Variants in LARGE1 observed in about 807,000 individuals in gnomAD.
The protein encoded by LARGE1 is LARGE xylosyl- and glucuronyltransferase 1.
LARGE1 carries 43 observed loss-of-function variants against 87.6 expected under a neutral mutation model. That is an observed-to-expected ratio of 0.49 (90% CI 0.38 to 0.63). The LOEUF is 0.63. Among genes scored for constraint, LARGE1 ranks in the 30% least tolerant of loss-of-function variants. The pLI is 0.00. For synonymous variants in LARGE1, 434 were observed against 394.6 expected (o/e 1.10, Z -1.18); for missense variants, 802 against 1,000.2 (o/e 0.80, Z 2.67).
chr22:33,294,433 C>T (rs1932960716), intron 12 of LARGE1, among the ~76,000 whole-genome samples: 2 of 152,174 alleles, frequency 1.3e-5, no homozygotes, highest in African/African-American at 4.8e-5. Flanking sequence ...TTCCCAGGGA[C>T]TCCTATGAAA....
intron 4 of LARGE1, among the ~76,000 whole-genome samples, chr22:33,614,852 A>ACT (rs3831696): frequency 0.77 from 116,420 of 151,972 alleles, 45,254 homozygotes; most frequent in African/African-American, 0.91. Flanking sequence ...TCTCTTGTTT[A>ACT]CTCTCTACAA....
In LARGE1 at chr22:33,712,418, C is replaced by T. The variant is rs140342914; in HGVS notation, c.106+48953G>A. 3.9e-4 allele frequency among the ~76,000 whole-genome samples: 59 copies of T among 152,174 alleles called. No individual in the cohort carries two copies. The East Asian group carries it at 5.8e-3, about 15-fold the overall frequency. ...CGAAGGCTTCTAGAGGAGACCAGCA[C>T]AAGAGGGGCATGTTCACTGAGGCCA... On this transcript the variant is annotated intron_variant, in intron 2 of 14. Coordinates refer to ENST00000397394, the MANE Select transcript of LARGE1 (RefSeq NM_133642.5).
At chr22:33,494,290 C>T (rs1006117806) in intron 6 of LARGE1, among the ~76,000 whole-genome samples, 1 of 152,180 alleles carries the variant, frequency 6.6e-6, no homozygotes, top group African/African-American at 2.4e-5. Flanking sequence ...AGTTTCCCTA[C>T]CCATAAAATG....
chr22:33,569,850 G>T (rs1292842841), intron 5 of LARGE1, among the ~76,000 whole-genome samples: 1 of 152,216 alleles, frequency 6.6e-6, no homozygotes, highest in African/African-American at 2.4e-5. Flanking sequence ...ACTCCTTGAG[G>T]CAGGGACGAT....
rs578115819 is a variant in LARGE1, at chr22:33,187,921, C to CAAAAAAAAAA, written c.1731-21099_1731-21090dup. ...TGGGCAACAGAGTGAGACTCCGTCT[C>CAAAAAAAAAA]AAAAAAAAAAAAAAAAAAAAAAAAA... On this transcript the variant is annotated intron_variant, in intron 11 of 11. Transcript: ENST00000608642. Among the ~76,000 whole-genome samples, 17 of 36,914 alleles carry CAAAAAAAAAA rather than the reference C, an allele frequency of 4.6e-4. 4 individuals are homozygous for CAAAAAAAAAA. The highest frequency in any genetic ancestry group is 8.5e-4 in the Non-Finnish European group (15 of 17,738). 24.2% of individuals were successfully genotyped at this position (36,914 alleles called of 152,430 possible).
At chr22:33,650,019 T>C (rs1418287538) in intron 3 of LARGE1, among the ~76,000 whole-genome samples, 1 of 152,094 alleles carries the variant, frequency 6.6e-6, no homozygotes, top group East Asian at 1.9e-4. Context: ...CACACTATAG[T>C]CTAAGAAGCA....
the LARGE1 span, among the ~76,000 whole-genome samples, chr22:33,103,881 T>C: frequency 3.3e-5 from 5 of 152,316 alleles, no homozygotes; most frequent in East Asian, 9.6e-4. Context: ...TCACGAGATC[T>C]GATGGTTTTA....
intron 1 of LARGE1, among the ~76,000 whole-genome samples, chr22:33,843,370 G>C (rs949747027): frequency 6.6e-6 from 1 of 151,796 alleles, no homozygotes; most frequent in Admixed American, 6.6e-5. Flanking sequence ...CCAGGAGACA[G>C]AGTTTGCAGT....
chr22:33,154,026 A>G, the LARGE1 span, among the ~76,000 whole-genome samples: 1 of 152,140 alleles, frequency 6.6e-6, no homozygotes, highest in Non-Finnish European at 1.5e-5. Context: ...TGCCAAGGTC[A>G]TATTCCTCTA....
chr22:33,559,165 ACT>A (rs1200489756), intron 6 of LARGE1, among the ~76,000 whole-genome samples: 2 of 151,974 alleles, frequency 1.3e-5, no homozygotes, highest in Non-Finnish European at 2.9e-5. Context: ...CATGGTGAGA[ACT>A]CTCTGCTTCA....
chr22:33,847,086 C>T (rs182180824), intron 1 of LARGE1, among the ~76,000 whole-genome samples: 1 of 152,314 alleles, frequency 6.6e-6, no homozygotes, highest in East Asian at 1.9e-4. Context: ...AATCACGGAA[C>T]CTACCGACAT....
intron 11 of LARGE1, among the ~76,000 whole-genome samples, chr22:33,264,505 C>G (rs1927817748): frequency 6.6e-6 from 1 of 152,104 alleles, no homozygotes; most frequent in African/African-American, 2.4e-5. Context: ...ACTAAAAATA[C>G]AAAAATTAGC....
chr22:33,204,270 G>C (rs1924574705), intron 11 of LARGE1, among the ~76,000 whole-genome samples: 1 of 152,074 alleles, frequency 6.6e-6, no homozygotes, highest in Non-Finnish European at 1.5e-5. Context: ...TTCACCACCA[G>C]AGAAAGAGCT....
intron 10 of LARGE1, among the ~76,000 whole-genome samples, chr22:33,328,941 T>A (rs1451080603): frequency 6.6e-6 from 1 of 152,146 alleles, no homozygotes; most frequent in Non-Finnish European, 1.5e-5. Flanking sequence ...TGACTCCCAC[T>A]CTTTGTGGTG....
At chr22:33,405,548 T>C (rs2147365024) in intron 7 of LARGE1, among the ~76,000 whole-genome samples, 1 of 152,276 alleles carries the variant, frequency 6.6e-6, no homozygotes, top group African/African-American at 2.4e-5. Context: ...CTTCTTTTCC[T>C]TTTTTTCTAG....
the LARGE1 span, among the ~76,000 whole-genome samples, chr22:33,138,247 C>T: frequency 6.6e-6 from 1 of 151,988 alleles, no homozygotes; most frequent in Admixed American, 6.5e-5. Flanking sequence ...TTTGACTGCC[C>T]CACTGGATTT....
At chr22:33,656,281 T>C (rs2080958117) in intron 2 of LARGE1, among the ~76,000 whole-genome samples, 1 of 152,164 alleles carries the variant, frequency 6.6e-6, no homozygotes, top group South Asian at 2.1e-4. Flanking sequence ...AAGGCACATC[T>C]TACATGGTGG....
At chr22:33,095,172 G>T in the LARGE1 span, among the ~76,000 whole-genome samples, 1 of 152,198 alleles carries the variant, frequency 6.6e-6, no homozygotes, top group Admixed American at 6.5e-5. Context: ...CCACAAAGTG[G>T]CTTAAATCAA....
intron 6 of LARGE1, among the ~76,000 whole-genome samples, chr22:33,540,869 C>G (rs1291726106): frequency 1.3e-5 from 2 of 151,868 alleles, no homozygotes; most frequent in African/African-American, 4.8e-5. Context: ...CACAGCGGCT[C>G]ACACCAGTAA....
Sources: gnomAD v4.1 joint callset for allele counts (sites outside exome capture counted in the v4.1 genomes callset) on GRCh38, gnomAD v4.1.1 for gene constraint, MANE v1.5 for transcripts, NCBI Gene and HGNC (gene_info 2026-07-23, HGNC 2026-07-21) for gene names.